The following CLEC5A variants were observed in gnomAD, a reference collection of about 807,000 sequenced individuals.
The protein encoded by CLEC5A is C-type lectin domain family 5 member A.
A neutral mutation model predicts 24.4 loss-of-function variants in CLEC5A; 15 were observed. The observed-to-expected ratio is 0.62, with a 90% CI of 0.41 to 0.95. The LOEUF (loss-of-function observed/expected upper bound fraction) is 0.95, where lower values mean the gene tolerates loss of function less well. Ranked by LOEUF, CLEC5A falls within the 40% of genes least tolerant of loss-of-function variation. The pLI, the probability that CLEC5A is intolerant of heterozygous loss-of-function variation, is 0.00. For synonymous variants in CLEC5A, 71 were observed against 72.6 expected, an observed-to-expected ratio of 0.98 and a Z score of 0.11; for missense variants, 211 against 224.0, an observed-to-expected ratio of 0.94 and a Z score of 0.37.
chr7:141,941,379 C>G (rs1285971), intron 4 of CLEC5A, among the ~76,000 whole-genome samples: 134,845 of 152,150 alleles, frequency 0.89, 60,742 homozygotes, highest in Non-Finnish European at 0.97. Flanking sequence ...AGTCAACATC[C>G]CTTCATGATT....
Position 141,927,993 on chromosome 7 carries a change from C to T in CLEC5A, c.*2111G>A, listed in dbSNP as rs114293572. ...ACCAAGAAAGGGTAAGAAAACTGTACTGATTCACACAGCATATTAGAAACA... is the reference window on the plus strand; with the variant it reads ...ACCAAGAAAGGGTAAGAAAACTGTATTGATTCACACAGCATATTAGAAACA... On this transcript the variant is annotated 3_prime_UTR_variant, in exon 7 of 7. Coordinates refer to ENST00000546910, the MANE Select transcript of CLEC5A (RefSeq NM_013252.3). 8.6e-5 allele frequency: 13 copies of T among 151,886 alleles called. No homozygotes were observed. The highest frequency in any genetic ancestry group is 2.9e-4 in the African/African-American group (12 of 41,442). The allele number at this position is 151,886 out of a possible 1,614,324, so 9.4% of individuals were successfully genotyped here.
intron 4 of CLEC5A, among the ~76,000 whole-genome samples, chr7:141,940,278 A>G (rs1262469768): frequency 1.3e-5 from 2 of 152,132 alleles, no homozygotes; most frequent in Non-Finnish European, 2.9e-5. Context: ...CAGTAACAAG[A>G]GGAAGTTTGG....
chr7:141,936,746 G>T (rs560634093), intron 4 of CLEC5A, among the ~76,000 whole-genome samples: 1 of 152,200 alleles, frequency 6.6e-6, no homozygotes, highest in South Asian at 2.1e-4. Flanking sequence ...TTGTGCCATT[G>T]CTCTCCCAAC....
At chr7:141,939,097 G>A (rs1554441393) in intron 4 of CLEC5A, among the ~76,000 whole-genome samples, 1 of 152,146 alleles carries the variant, frequency 6.6e-6, no homozygotes, top group Non-Finnish European at 1.5e-5. Flanking sequence ...ACTGATTATA[G>A]TAGGTACATG....
intron 5 of CLEC5A, among the ~76,000 whole-genome samples, chr7:141,933,193 A>G (rs757019831): frequency 6.6e-6 from 1 of 152,168 alleles, no homozygotes; most frequent in Non-Finnish European, 1.5e-5. Flanking sequence ...TGGATCTGGA[A>G]GAGGCAGAAA....
chr7:141,939,672 A>T (rs1802729216), intron 4 of CLEC5A, among the ~76,000 whole-genome samples: 1 of 152,100 alleles, frequency 6.6e-6, no homozygotes, highest in Non-Finnish European at 1.5e-5. Flanking sequence ...AGACCTAATG[A>T]TCTATTTCCC....
At position 141,927,468 on chromosome 7, in the gene CLEC5A, C is replaced by T. The variant is rs1386073185; in HGVS notation, c.*2636G>A. On this transcript the variant is annotated 3_prime_UTR_variant, in exon 7 of 7. Coordinates refer to ENST00000546910, the MANE Select transcript of CLEC5A (RefSeq NM_013252.3). The stretch of plus-strand genomic sequence containing the variant: ...GATGAAGGCCAGATGGAGATTGCAT[C>T]AGTTAGATTTTGCTATACGAGAGAT... 6.6e-6 allele frequency: 1 copy of T among 152,212 alleles called. No individual in the cohort carries two copies. The highest frequency in any genetic ancestry group is 2.4e-5 in the African/African-American group (1 of 41,438). The allele number at this position is 152,212 out of a possible 1,614,324, so 9.4% of individuals were successfully genotyped here.
rs1011536117 is a variant in CLEC5A, at chr7:141,928,104, A to G, written c.*2000T>C. The G allele has an allele frequency of 3.9e-5, 6 of 152,004 alleles. No homozygotes were observed. The highest frequency in any genetic ancestry group is 1.9e-4 in the East Asian group (1 of 5,166). 9.4% of individuals were successfully genotyped at this position (152,004 alleles called of 1,614,324 possible). On this transcript the variant is annotated 3_prime_UTR_variant, in exon 7 of 7. Coordinates refer to ENST00000546910, the MANE Select transcript of CLEC5A (RefSeq NM_013252.3). ...ATGCCACTGCTATCTAATAAAGATC[A>G]CATTTATCTAAGCTTGCAAGGATCC...
intron 5 of CLEC5A, among the ~76,000 whole-genome samples, chr7:141,935,364 A>G (rs1802587444): frequency 6.6e-6 from 1 of 152,144 alleles, no homozygotes; most frequent in South Asian, 2.1e-4. Context: ...ATTCAGTATG[A>G]CCTGATTCTT....
At chr7:141,935,321 C>T (rs1030158616) in intron 5 of CLEC5A, among the ~76,000 whole-genome samples, 2 of 152,080 alleles carry the variant, frequency 1.3e-5, no homozygotes. Flanking sequence ...AATAATACAT[C>T]CTCATTATTA....
chr7:141,939,290 G>A (rs1371486674), intron 4 of CLEC5A, among the ~76,000 whole-genome samples: 1 of 152,126 alleles, frequency 6.6e-6, no homozygotes, highest in African/African-American at 2.4e-5. Context: ...AAGTTAAAAT[G>A]TAGAGTTTTT....
At chr7:141,936,341 C>A (rs1207923113) in intron 4 of CLEC5A, 1 of 268,402 alleles carries the variant, frequency 3.7e-6, no homozygotes, top group Admixed American at 5.3e-5. Flanking sequence ...ACCACCCCCA[C>A]CCTATCCCTG....
At position 141,938,121 on chromosome 7, in the gene CLEC5A, C is replaced by A. The variant is rs1433432039; in HGVS notation, c.209-2171G>T. 3.3e-5 allele frequency among the ~76,000 whole-genome samples: 5 copies of A among 152,290 alleles called. 1 individual carries two copies. Among genetic ancestry groups the A allele is most frequent in the African/African-American group, 1.2e-4 (5 of 41,576 alleles). On this transcript the variant is annotated intron_variant, in intron 4 of 6. Transcript: ENST00000546910. ...TCTTCTATGCCCAGACACTGATGAA[C>A]ATCCACAAGTATCAAGACCATTCAG...
intron 5 of CLEC5A, among the ~76,000 whole-genome samples, chr7:141,933,213 G>A (rs1284267635): frequency 1.3e-5 from 2 of 152,068 alleles, no homozygotes; most frequent in East Asian, 1.9e-4. Context: ...AGGAGGAAGC[G>A]ATCATTCTAC....
chr7:141,929,566 C>G lies in CLEC5A; in HGVS notation c.*538G>C, dbSNP rs566727825. 7 of 152,436 alleles carry G rather than the reference C, an allele frequency of 4.6e-5. No individual in the cohort carries two copies. The highest frequency in any genetic ancestry group is 1.7e-4 in the African/African-American group (7 of 41,440). The allele number at this position is 152,436 out of a possible 1,614,324, so 9.4% of individuals were successfully genotyped here. ...CCATTCCCATAAACAATGCTGCTGTCCGTGCTGCTCCAAGCTCAGCACTAG... is the reference window on the plus strand; with the variant it reads ...CCATTCCCATAAACAATGCTGCTGTGCGTGCTGCTCCAAGCTCAGCACTAG... On this transcript the variant is annotated 3_prime_UTR_variant, in exon 7 of 7. Transcript: ENST00000546910.
chr7:141,930,873 A>C (rs1290932082), intron 6 of CLEC5A, among the ~76,000 whole-genome samples: 2 of 152,246 alleles, frequency 1.3e-5, no homozygotes, highest in East Asian at 3.8e-4. Flanking sequence ...GGAATATTTC[A>C]GGAAACAACA....
At chr7:141,939,537 A>C (rs143287574) in intron 4 of CLEC5A, among the ~76,000 whole-genome samples, 2,555 of 152,228 alleles carry the variant, frequency 0.017, 77 homozygotes, top group South Asian at 0.11. Context: ...AAGATCAAAA[A>C]ACAACCAGAA....
intron 5 of CLEC5A, among the ~76,000 whole-genome samples, chr7:141,932,394 T>C (rs550141159): frequency 2.2e-4 from 34 of 152,368 alleles, no homozygotes; most frequent in Non-Finnish European, 4.9e-4. Context: ...TATTTGCTGA[T>C]TTGACACTAG....
In CLEC5A at chr7:141,935,825, G is replaced by A. The variant is rs1802602927; in HGVS notation, c.334C>T (p.Pro112Ser). ...KGSTLAIVNTPEKLKFLQDIT... is the reference protein window; with the variant it reads ...KGSTLAIVNTSEKLKFLQDIT... ...TCCAGTGTTCTCACCAGTTTCTCTG[G>A]CGTGTTGACAATTGCCAATGTGGAT... is the stretch of plus-strand genomic sequence containing the variant. The change falls in exon 5 of 7, where the codon CCA (proline) becomes TCA (serine). Residue 112 changes from proline (P) to serine (S), a missense_variant. Physicochemically the swap from Pro to Ser is moderately conservative, Grantham distance 74 (BLOSUM62 -1). Transcript: ENST00000546910. 2.5e-6 allele frequency: 4 copies of A among 1,613,890 alleles called. No individual in the cohort carries two copies. The highest frequency in any genetic ancestry group is 3.4e-6 in the Non-Finnish European group (4 of 1,179,926).
Sources: gnomAD v4.1 joint callset for allele counts (sites outside exome capture counted in the v4.1 genomes callset) on GRCh38, gnomAD v4.1.1 for gene constraint, MANE v1.5 for transcripts, NCBI Gene and HGNC (gene_info 2026-07-23, HGNC 2026-07-21) for gene names.